The following SMYD3 variants were observed in gnomAD, a reference collection of about 807,000 sequenced individuals.
SMYD3 encodes SET and MYND domain containing 3.
Under a neutral mutation model 57.7 loss-of-function variants are expected in SMYD3, and 36 were observed. The observed-to-expected ratio is 0.62, with a 90% CI of 0.48 to 0.82. The LOEUF (loss-of-function observed/expected upper bound fraction) is 0.82. Among genes scored for constraint, SMYD3 ranks in the 40% least tolerant of loss-of-function variants. The pLI, the probability that SMYD3 is intolerant of heterozygous loss-of-function variation, is 0.00. For missense variants in SMYD3, 515 were observed against 538.8 expected (o/e 0.96, Z 0.44); for synonymous variants, 211 against 195.0 (o/e 1.08, Z -0.68).
intron 1 of SMYD3, among the ~76,000 whole-genome samples, chr1:246,404,652 C>A (rs2066830375): frequency 6.6e-6 from 1 of 152,136 alleles, no homozygotes; most frequent in Non-Finnish European, 1.5e-5. Flanking sequence ...TCTGCGTCCT[C>A]TTTACTTGAT....
At chr1:246,327,891 G>A (rs1388711092) in intron 4 of SMYD3, among the ~76,000 whole-genome samples, 1 of 152,158 alleles carries the variant, frequency 6.6e-6, no homozygotes. Context: ...AGTTATCTGA[G>A]TTGAATAAAC....
At chr1:245,803,868 G>A (rs572313533) in intron 10 of SMYD3, among the ~76,000 whole-genome samples, 1 of 151,642 alleles carries the variant, frequency 6.6e-6, no homozygotes, top group South Asian at 2.1e-4. Flanking sequence ...ATCCAACCAG[G>A]CTTGAGGCCA....
At chr1:246,406,879 G>A (rs2066874296) in intron 1 of SMYD3, among the ~76,000 whole-genome samples, 1 of 152,200 alleles carries the variant, frequency 6.6e-6, no homozygotes, top group African/African-American at 2.4e-5. Flanking sequence ...CCTTTCCCAA[G>A]CTATCGACCT....
At position 245,829,973 on chromosome 1, in the gene SMYD3, G is replaced by A. The variant is rs188135749; in HGVS notation, c.1076+28523C>T. On this transcript the variant is annotated intron_variant, in intron 10 of 11. Transcript: ENST00000490107. ...CTAGGGACTGGGGGGCTGGGGAGAT[G>A]GGGTATGACTAATGAGTATGGGGTT... 4.3e-4 allele frequency among the ~76,000 whole-genome samples: 66 copies of A among 152,134 alleles called. No individual in the cohort carries two copies. The East Asian group carries it at 6.2e-3, about 14-fold the overall frequency.
At chr1:246,315,246 A>G (rs188762922) in intron 5 of SMYD3, among the ~76,000 whole-genome samples, 18 of 152,334 alleles carry the variant, frequency 1.2e-4, no homozygotes, top group Non-Finnish European at 2.5e-4. Flanking sequence ...TTATAGTCTA[A>G]GTGGGAACCT....
At chr1:246,267,160 G>T (rs1411031122) in intron 5 of SMYD3, among the ~76,000 whole-genome samples, 1 of 152,110 alleles carries the variant, frequency 6.6e-6, no homozygotes, top group African/African-American at 2.4e-5. Context: ...TATAATAAAT[G>T]TGCATAGCCT....
At chr1:246,348,170 C>G (rs1210565912) in intron 2 of SMYD3, among the ~76,000 whole-genome samples, 1 of 150,964 alleles carries the variant, frequency 6.6e-6, no homozygotes, top group African/African-American at 2.4e-5. Flanking sequence ...AATCCCAGCA[C>G]TTTGGGAGGC....
chr1:245,988,766 G>A (rs1297608706), intron 5 of SMYD3, among the ~76,000 whole-genome samples: 1 of 152,226 alleles, frequency 6.6e-6, no homozygotes, highest in East Asian at 1.9e-4. Context: ...AACGGTTTGG[G>A]AGGAGGCTGA....
intron 8 of SMYD3, among the ~76,000 whole-genome samples, chr1:245,872,031 C>T (rs1406423889): frequency 1.3e-5 from 2 of 152,190 alleles, no homozygotes; most frequent in Non-Finnish European, 2.9e-5. Flanking sequence ...TTCTCTGATC[C>T]ACCACAAACC....
intron 5 of SMYD3, among the ~76,000 whole-genome samples, chr1:246,001,054 T>C (rs2059032395): frequency 6.6e-6 from 1 of 152,132 alleles, no homozygotes; most frequent in South Asian, 2.1e-4. Flanking sequence ...ACTCAAGTCT[T>C]ACGAAATGAG....
chr1:246,248,081 A>C (rs1030728422), intron 5 of SMYD3, among the ~76,000 whole-genome samples: 10 of 152,214 alleles, frequency 6.6e-5, no homozygotes, highest in African/African-American at 2.2e-4. Flanking sequence ...GGCAGAGAGC[A>C]TATCTCTTTT....
At chr1:246,109,265 T>C (rs1379142292) in intron 5 of SMYD3, among the ~76,000 whole-genome samples, 1 of 152,174 alleles carries the variant, frequency 6.6e-6, no homozygotes, top group Non-Finnish European at 1.5e-5. Context: ...TTATGTATAG[T>C]CTGATAAAGA....
At chr1:245,831,105 C>T (rs911326769) in intron 10 of SMYD3, among the ~76,000 whole-genome samples, 43 of 152,328 alleles carry the variant, frequency 2.8e-4, no homozygotes, top group African/African-American at 9.9e-4. Flanking sequence ...AATCCGGTTC[C>T]ACGTTTGTGT....
chr1:245,929,761 G>A, intron 6 of SMYD3, 109 bp downstream of exon 6: 1 of 838,456 alleles, frequency 1.2e-6, no homozygotes, highest in South Asian at 1.5e-5. Flanking sequence ...TTTAAGCTTG[G>A]CTCTTGAACA....
chr1:246,054,873 TAAAAA>T (rs749022916), intron 5 of SMYD3, among the ~76,000 whole-genome samples: 1 of 79,112 alleles, frequency 1.3e-5, no homozygotes, highest in African/African-American at 3.9e-5. Context: ...AGGATGACTA[TAAAAA>T]AAAAAAAAAA....
At chr1:246,444,301 T>C (rs1231784167) in intron 1 of SMYD3, among the ~76,000 whole-genome samples, 1 of 152,066 alleles carries the variant, frequency 6.6e-6, no homozygotes, top group East Asian at 1.9e-4. Flanking sequence ...AATTTTTGTA[T>C]TTTTGGTAGA....
rs1050086264 is a variant in SMYD3, at chr1:246,497,642, T to A, written c.164+9412A>T. 7.2e-5 allele frequency among the ~76,000 whole-genome samples: 11 copies of A among 152,168 alleles called. No homozygotes were observed. In the East Asian group the frequency reaches 2.1e-3, roughly 29 times the overall value. On this transcript the variant is annotated intron_variant, in intron 1 of 11. Coordinates refer to ENST00000490107, the MANE Select transcript of SMYD3 (RefSeq NM_001167740.2). The stretch of plus-strand genomic sequence containing the variant: ...TCAAATCAGAGAACCCCCAAAAGAA[T>A]CTCAAAGTGAGTGGGAGGACAGCCT...
chr1:246,077,736 G>A (rs941017800), intron 5 of SMYD3, among the ~76,000 whole-genome samples: 3 of 151,818 alleles, frequency 2.0e-5, no homozygotes, highest in Non-Finnish European at 4.4e-5. Context: ...ACTACTCTAT[G>A]TGCCCATAAT....
At chr1:245,914,056 T>C (rs1032414840) in intron 8 of SMYD3, among the ~76,000 whole-genome samples, 3 of 152,210 alleles carry the variant, frequency 2.0e-5, no homozygotes, top group Non-Finnish European at 2.9e-5. Context: ...TTAAAATTAA[T>C]AGCTACCCAC....
Sources: allele counts gnomAD v4.1 joint callset (sites outside exome capture counted in the v4.1 genomes callset), GRCh38; gene constraint gnomAD v4.1.1; transcripts MANE v1.5; gene names NCBI Gene and HGNC (gene_info 2026-07-23, HGNC 2026-07-21).